Variants in EIF2B2 observed in about 807,000 individuals in gnomAD.
EIF2B2 encodes translation initiation factor eIF2B subunit beta.
EIF2B2 carries 34 observed loss-of-function variants against 34.7 expected under a neutral mutation model. The ratio of observed to expected loss-of-function variants is 0.98; its 90% CI spans 0.75 to 1.31. The LOEUF (loss-of-function observed/expected upper bound fraction) is 1.31. Among genes scored for constraint, EIF2B2 ranks in the 50% most tolerant of loss-of-function variants. EIF2B2 has a pLI of 0.00. For synonymous variants in EIF2B2, 155 were observed against 171.6 expected (o/e 0.90, Z 0.76); for missense variants, 361 against 447.7 (o/e 0.81, Z 1.75).
chr14:75,008,577 G>A (rs925068740), intron 7 of EIF2B2: 1 of 277,982 alleles, frequency 3.6e-6, no homozygotes, highest in African/African-American at 2.2e-5. Flanking sequence ...GGTAGAAAGT[G>A]GCTAGGGGCC....
chr14:75,009,216 C>T lies in EIF2B2; in HGVS notation c.*28C>T, dbSNP rs1166256313. 1 of 1,613,424 alleles carries T rather than the reference C, an allele frequency of 6.2e-7. No homozygotes were observed. Among genetic ancestry groups the T allele is most frequent in the Non-Finnish European group, 8.5e-7 (1 of 1,179,616 alleles). ...GACCACACGTGTCCTAAGCAGATTG[C>T]TTAGGCAGATACAGAATGAAGAGGA... On this transcript the variant is annotated 3_prime_UTR_variant, in exon 8 of 8. Coordinates refer to ENST00000266126, the MANE Select transcript of EIF2B2 (RefSeq NM_014239.4).
Position 75,003,541 on chromosome 14 carries a change from G to A in EIF2B2, c.285-10G>A, listed in dbSNP as rs1348551300. 2 of 1,614,026 alleles carry A rather than the reference G, an allele frequency of 1.2e-6. No individual in the cohort carries two copies. Among genetic ancestry groups the A allele is most frequent in the Non-Finnish European group, 1.7e-6 (2 of 1,180,034 alleles). The stretch of plus-strand genomic sequence containing the variant: ...CCCACCTCTCTCTTTGGGTCTTGTT[G>A]CCTCTATAGACTCCATGGACGCAGC... On this transcript the variant is annotated splice_polypyrimidine_tract_variant and intron_variant, in intron 2 of 7. Transcript: ENST00000266126.
At chr14:75,005,204 C>A (rs1393971523) in intron 4 of EIF2B2, 7 of 355,098 alleles carry the variant, frequency 2.0e-5, no homozygotes, top group Non-Finnish European at 3.9e-5. Flanking sequence ...TGACAAAACC[C>A]CGTCTCCACT....
In EIF2B2 at chr14:75,011,272, G is replaced by A. The variant is rs750713093; in HGVS notation, c.*2084G>A. ...ATAATACCAAGCACAGCAAGCAGAGGGACATCCTCTAATTTTGTTGACATG... is the reference window on the plus strand; with the variant it reads ...ATAATACCAAGCACAGCAAGCAGAGAGACATCCTCTAATTTTGTTGACATG... On this transcript the variant is annotated 3_prime_UTR_variant, in exon 8 of 8. Transcript: ENST00000266126. The A allele has an allele frequency of 2.0e-5, 3 of 152,138 alleles. No individual in the cohort carries two copies. The highest frequency in any genetic ancestry group is 4.4e-5 in the Non-Finnish European group (3 of 68,026). 9.4% of individuals were successfully genotyped at this position (152,138 alleles called of 1,614,324 possible).
intron 1 of EIF2B2, 26 bp from the exon 2 acceptor site, chr14:75,003,249 C>T (rs761372299): frequency 2.5e-6 from 4 of 1,613,502 alleles, no homozygotes; most frequent in South Asian, 1.1e-5. Flanking sequence ...GTTGGCTCCT[C>T]TTATCCTCTC....
chr14:75,004,887 C>T lies in EIF2B2; in HGVS notation c.584C>T (p.Ala195Val). Reference sequence around the variant, plus strand: ...TTCCATGTCATTGTAGCAGAGTGTGCTCCTTTCTGCCAGGTAAGGAGACTG... The same window carrying T: ...TTCCATGTCATTGTAGCAGAGTGTGTTCCTTTCTGCCAGGTAAGGAGACTG... The part of the protein sequence containing the change: ...RKFHVIVAEC[A>V]PFCQGHEMAV... The change falls in exon 4 of 8, where the codon GCT (alanine) becomes GTT (valine). Residue 195 changes from alanine to valine, a missense_variant. Transcript: ENST00000266126. 6.2e-7 allele frequency: 1 copy of T among 1,611,304 alleles called. No homozygotes were observed. The highest frequency in any genetic ancestry group is 8.5e-7 in the Non-Finnish European group (1 of 1,178,758).
intron 4 of EIF2B2, chr14:75,005,141 G>C (rs1282305523): frequency 2.3e-6 from 1 of 433,776 alleles, no homozygotes; most frequent in Admixed American, 3.2e-5. Flanking sequence ...ACTTTGGGAG[G>C]CTGGGCGGGT....
At chr14:75,003,925 G>T (rs1190675030) in intron 3 of EIF2B2, among the ~76,000 whole-genome samples, 2 of 152,208 alleles carry the variant, frequency 1.3e-5, no homozygotes, top group Non-Finnish European at 2.9e-5. Context: ...GATCTGTGGA[G>T]TGGAACAGAC....
At chr14:75,008,944 G>A in intron 7 of EIF2B2, 87 bp from the exon 8 acceptor site, 1 of 1,573,274 alleles carries the variant, frequency 6.4e-7, no homozygotes, top group Non-Finnish European at 8.7e-7. Flanking sequence ...TAATATGCCT[G>A]CATTCTCGAG....
intron 7 of EIF2B2, 68 bp downstream of exon 7, chr14:75,007,856 T>G: frequency 6.6e-7 from 1 of 1,512,766 alleles, no homozygotes; most frequent in South Asian, 1.1e-5. Context: ...GCATGTGTTT[T>G]GGTCTTTTTG....
chr14:75,010,776 T>TA lies in EIF2B2; in HGVS notation c.*1592dup, dbSNP rs1889693702. ...GGCATTTGAGTTGTGATCCTGGTGT[T>TA]AAAAGAATGGGACAGATTTGCAAGG... is the stretch of plus-strand genomic sequence containing the variant. On this transcript the variant is annotated 3_prime_UTR_variant, in exon 8 of 8. Coordinates refer to ENST00000266126, the MANE Select transcript of EIF2B2 (RefSeq NM_014239.4). 1 of 152,164 alleles carries TA rather than the reference T, an allele frequency of 6.6e-6. No individual in the cohort carries two copies. 9.4% of individuals were successfully genotyped at this position (152,164 alleles called of 1,614,324 possible).
Position 75,010,754 on chromosome 14 carries a change from ATT to A in EIF2B2, c.*1568_*1569del, listed in dbSNP as rs988581951. ...TGTTATCTGCCTAACCCCTGTAGGC[ATT>A]TGAGTTGTGATCCTGGTGTTAAAAG... On this transcript the variant is annotated 3_prime_UTR_variant, in exon 8 of 8. Transcript: ENST00000266126. 3.0e-4 allele frequency: 46 copies of A among 152,338 alleles called. No individual in the cohort carries two copies. The highest frequency in any genetic ancestry group is 1.0e-3 in the African/African-American group (43 of 41,578). The allele number at this position is 152,338 out of a possible 1,614,324, so 9.4% of individuals were successfully genotyped here. A position where few individuals can be genotyped will look rare whatever the true frequency, so the allele number is the denominator to read the frequency against.
intron 6 of EIF2B2, chr14:75,007,273 T>C (rs940951674): frequency 8.4e-6 from 3 of 358,628 alleles, no homozygotes; most frequent in Non-Finnish European, 1.6e-5. Context: ...CACCACTCTC[T>C]AGTTTCAAAA....
At chr14:75,004,687 A>ATC in intron 3 of EIF2B2, 50 bp from the exon 4 acceptor site, 1 of 107,440 alleles carries the variant, frequency 9.3e-6, no homozygotes, top group Non-Finnish European at 1.3e-5. Flanking sequence ...ATATATATAT[A>ATC]TATTTTTTTT....
rs879762913 is a variant in EIF2B2 at position 75,009,764 on chromosome 14, G to GTT, written c.*576_*577insTT. The GTT allele has an allele frequency of 0.36, 50,797 of 139,650 alleles. 10,357 individuals are homozygous for GTT. The highest frequency in any genetic ancestry group is 0.67 in the East Asian group (3,271 of 4,900). The allele number at this position is 139,650 out of a possible 1,614,324, so 8.7% of individuals were successfully genotyped here. A position where few individuals can be genotyped will look rare whatever the true frequency, so the allele number is the denominator to read the frequency against. On this transcript the variant is annotated 3_prime_UTR_variant, in exon 8 of 8. Coordinates refer to ENST00000266126, the MANE Select transcript of EIF2B2 (RefSeq NM_014239.4). ...ATCCTGGACTTTGGGAGGCTGAGGTGGGAGGCTTGTTTGAGGCTTGTTTGA... is the reference window on the plus strand; with the variant it reads ...ATCCTGGACTTTGGGAGGCTGAGGTGTTGGAGGCTTGTTTGAGGCTTGTTTGA...
intron 6 of EIF2B2, chr14:75,007,125 A>C: frequency 4.3e-6 from 2 of 461,880 alleles, no homozygotes; most frequent in Non-Finnish European, 8.7e-6. Flanking sequence ...TCAGTGATAG[A>C]AGCTATTTGC....
Position 75,006,485 on chromosome 14 carries a change from T to G in EIF2B2, c.694-92T>G. On this transcript the variant is annotated intron_variant, in intron 5 of 7. Transcript: ENST00000266126. This position sits in a 1 kb window ranked among gnomAD's most constrained non-coding sequence, Gnocchi z 4.1. ...AGTCTGTGACCCCTCACGATACCAA[T>G]TCTGAGGTCTAAGCATTTAGCTTTT... 2.5e-6 allele frequency: 4 copies of G among 1,582,964 alleles called. No homozygotes were observed. The South Asian group carries it at 4.4e-5, about 18-fold the overall frequency.
At position 75,003,094 on chromosome 14, in the gene EIF2B2, C is replaced by G; in HGVS notation, c.104C>G (p.Ala35Gly). 2 of 1,613,944 alleles carry G rather than the reference C, an allele frequency of 1.2e-6. No homozygotes were observed. Among genetic ancestry groups the G allele is most frequent in the Non-Finnish European group, 1.7e-6 (2 of 1,179,976 alleles). ...GGGPRSSEEM[A>G]RETLGLLRQI... Reference sequence around the variant, plus strand: ...GGGCCGCGCAGCTCCGAGGAAATGGCTCGGGAGACCCTAGGGTTGCTGCGC... The same window carrying G: ...GGGCCGCGCAGCTCCGAGGAAATGGGTCGGGAGACCCTAGGGTTGCTGCGC... The change falls in exon 1 of 8, where the codon GCT becomes GGT. Residue 35 changes from alanine to glycine, a missense_variant. Transcript: ENST00000266126.
chr14:75,008,579 C>A, intron 7 of EIF2B2: 1 of 275,514 alleles, frequency 3.6e-6, no homozygotes, highest in South Asian at 4.2e-5. Context: ...TAGAAAGTGG[C>A]TAGGGGCCTG....
Sources: allele counts gnomAD v4.1 joint callset (sites outside exome capture counted in the v4.1 genomes callset), GRCh38; gene constraint gnomAD v4.1.1; non-coding constraint Gnocchi (gnomAD v3.1); transcripts MANE v1.5; gene names NCBI Gene and HGNC (gene_info 2026-07-23, HGNC 2026-07-21).